NECAB1: variants seen among roughly 807,000 people sequenced by gnomAD.
NECAB1 encodes the protein N-terminal EF-hand calcium-binding protein 1.
A neutral mutation model predicts 57.5 loss-of-function variants in NECAB1; 29 were observed. The observed-to-expected ratio is 0.50, with a 90% CI of 0.38 to 0.69. The LOEUF (loss-of-function observed/expected upper bound fraction) is 0.69, where lower values mean the gene tolerates loss of function less well. Ranked by LOEUF, NECAB1 falls within the 30% of genes least tolerant of loss-of-function variation. NECAB1 has a pLI of 0.00. For missense variants in NECAB1, 372 were observed against 413.8 expected, an observed-to-expected ratio of 0.90 and a Z score of 0.88; for synonymous variants, 142 against 147.7, an observed-to-expected ratio of 0.96 and a Z score of 0.28.
intron 2 of NECAB1, among the ~76,000 whole-genome samples, chr8:90,805,883 A>G (rs1319202326): frequency 6.6e-6 from 1 of 152,228 alleles, no homozygotes; most frequent in African/African-American, 2.4e-5. Context: ...TTAGAGCCCC[A>G]GAACTTGTTC....
At chr8:90,805,722 TTAAA>T (rs1274832993) in intron 2 of NECAB1, among the ~76,000 whole-genome samples, 2 of 151,856 alleles carry the variant, frequency 1.3e-5, no homozygotes, top group African/African-American at 4.8e-5. Context: ...TTTTTTAAAT[TTAAA>T]TATATTTTAT....
At chr8:90,883,207 T>C (rs1227327976) in intron 5 of NECAB1, among the ~76,000 whole-genome samples, 1 of 152,128 alleles carries the variant, frequency 6.6e-6, no homozygotes, top group South Asian at 2.1e-4. Context: ...ATTCATATTA[T>C]ACTGTTTAAC....
At chr8:90,844,652 G>A (rs1812522592) in intron 3 of NECAB1, among the ~76,000 whole-genome samples, 1 of 152,108 alleles carries the variant, frequency 6.6e-6, no homozygotes, top group Non-Finnish European at 1.5e-5. Flanking sequence ...ACCTACAGGG[G>A]AAAACAGCAT....
chr8:90,883,881 G>C (rs1808906497), intron 5 of NECAB1, among the ~76,000 whole-genome samples: 1 of 152,132 alleles, frequency 6.6e-6, no homozygotes, highest in South Asian at 2.1e-4. Flanking sequence ...GAGGTGATAA[G>C]CTAACTTGCA....
chr8:90,894,068 C>T lies in NECAB1; in HGVS notation c.357+12938C>T, dbSNP rs116942739. ...TTTTAGAATTTCTTAGAAACAGAGG[C>T]TGATTTTCATGCTGATAACCTAAAA... On this transcript the variant is annotated intron_variant, in intron 5 of 12. Coordinates refer to ENST00000417640, the MANE Select transcript of NECAB1 (RefSeq NM_022351.5). Among the ~76,000 whole-genome samples, 582 of 152,148 alleles carry T rather than the reference C, an allele frequency of 3.8e-3. 2 individuals carry two copies. Among genetic ancestry groups the T allele is most frequent in the Non-Finnish European group, 3.9e-3 (262 of 68,004 alleles).
rs1471131860 is a variant in NECAB1, at chr8:90,957,430, C to T, written c.*1918C>T. 2 of 151,682 alleles carry T rather than the reference C, an allele frequency of 1.3e-5. No homozygotes were observed. Among genetic ancestry groups the T allele is most frequent in the Non-Finnish European group, 2.9e-5 (2 of 67,820 alleles). 9.4% of individuals were successfully genotyped at this position (151,682 alleles called of 1,614,324 possible). On this transcript the variant is annotated 3_prime_UTR_variant, in exon 13 of 13. Transcript: ENST00000417640. The stretch of plus-strand genomic sequence containing the variant: ...AACAGTACTAAGTGGAAGGGATCTG[C>T]AGATTCCAAACTGGAATAAGCTCTA...
chr8:90,863,403 A>G (rs145063988), intron 3 of NECAB1, among the ~76,000 whole-genome samples: 4 of 152,132 alleles, frequency 2.6e-5, no homozygotes, highest in African/African-American at 9.7e-5. Context: ...CATTTTTCCT[A>G]TTCTCTAAAG....
At position 90,956,943 on chromosome 8, in the gene NECAB1, C is replaced by CGTGTGTGTGTGTGTGT. The variant is rs66645266; in HGVS notation, c.*1458_*1473dup. ...AATTTTGATATATTGTACATACACA[C>CGTGTGTGTGTGTGTGT]GTGTGTGTGTGTGTGTGTGTGTGTG... On this transcript the variant is annotated 3_prime_UTR_variant, in exon 13 of 13. Transcript: ENST00000417640. The CGTGTGTGTGTGTGTGT allele has an allele frequency of 1.4e-5, 2 of 143,452 alleles. No individual in the cohort carries two copies. The highest frequency in any genetic ancestry group is 2.6e-5 in the African/African-American group (1 of 38,916). 8.9% of individuals were successfully genotyped at this position (143,452 alleles called of 1,614,324 possible).
chr8:90,831,853 A>T (rs1049665624), intron 3 of NECAB1, among the ~76,000 whole-genome samples: 4 of 152,162 alleles, frequency 2.6e-5, no homozygotes, highest in African/African-American at 9.7e-5. Flanking sequence ...AAATTCTCAC[A>T]TACTGTGCTA....
chr8:90,852,039 AT>A (rs1208947247), intron 3 of NECAB1, among the ~76,000 whole-genome samples: 1 of 151,992 alleles, frequency 6.6e-6, no homozygotes, highest in Non-Finnish European at 1.5e-5. Flanking sequence ...AATCAATATA[AT>A]TTTGTTGTTG....
chr8:90,914,111 A>C (rs938098313), intron 5 of NECAB1, among the ~76,000 whole-genome samples: 4 of 152,140 alleles, frequency 2.6e-5, no homozygotes, highest in Admixed American at 2.6e-4. Flanking sequence ...ACATTTCTTA[A>C]GCATTTATGG....
At chr8:90,856,182 G>A (rs1812790812) in intron 3 of NECAB1, among the ~76,000 whole-genome samples, 1 of 152,162 alleles carries the variant, frequency 6.6e-6, no homozygotes, top group South Asian at 2.1e-4. Flanking sequence ...CAAGGTAACA[G>A]TTTCAGTCAC....
intron 5 of NECAB1, among the ~76,000 whole-genome samples, chr8:90,893,868 G>C (rs1199698048): frequency 1.3e-5 from 2 of 151,478 alleles, no homozygotes; most frequent in African/African-American, 4.9e-5. Flanking sequence ...TTTAATTATA[G>C]TCAACATCAA....
In NECAB1 at chr8:90,796,808, G is replaced by T. The variant is rs116468793; in HGVS notation, c.99+4823G>T. Among the ~76,000 whole-genome samples, 713 of 152,290 alleles carry T rather than the reference G, an allele frequency of 4.7e-3. 7 individuals are homozygous for T. The highest frequency in any genetic ancestry group is 0.016 in the African/African-American group (677 of 41,542). ...GTCTGTGGGATCAGAGGCAAAATTT[G>T]CAGCAGAGACAGTTCTGTTCATATT... On this transcript the variant is annotated intron_variant, in intron 1 of 12. Transcript: ENST00000417640.
At chr8:90,807,578 C>A (rs1020728409) in intron 2 of NECAB1, among the ~76,000 whole-genome samples, 7 of 152,156 alleles carry the variant, frequency 4.6e-5, no homozygotes, top group African/African-American at 9.7e-5. Flanking sequence ...GCTCTCCAGA[C>A]CCTCTTATCT....
At chr8:90,801,995 C>A (rs933958053) in intron 2 of NECAB1, among the ~76,000 whole-genome samples, 1 of 152,178 alleles carries the variant, frequency 6.6e-6, no homozygotes, top group Non-Finnish European at 1.5e-5. Context: ...AATAATTTTG[C>A]AGCAATAGCA....
intron 2 of NECAB1, among the ~76,000 whole-genome samples, chr8:90,811,885 C>T (rs1285225066): frequency 6.6e-6 from 1 of 152,094 alleles, no homozygotes; most frequent in Non-Finnish European, 1.5e-5. Flanking sequence ...GTCACATGCC[C>T]ATCCTTAAAG....
chr8:90,879,378 G>T (rs1410184520), intron 4 of NECAB1, among the ~76,000 whole-genome samples: 1 of 150,884 alleles, frequency 6.6e-6, no homozygotes, highest in Non-Finnish European at 1.5e-5. Flanking sequence ...CGAATTCCTG[G>T]GCTCAAGTGA....
At chr8:90,795,887 A>G (rs1811652799) in intron 1 of NECAB1, among the ~76,000 whole-genome samples, 1 of 152,184 alleles carries the variant, frequency 6.6e-6, no homozygotes, top group Non-Finnish European at 1.5e-5. Context: ...TGCTGGGCTT[A>G]ATACCTAGGT....
Sources: allele counts gnomAD v4.1 joint callset (sites outside exome capture counted in the v4.1 genomes callset), GRCh38; gene constraint gnomAD v4.1.1; transcripts MANE v1.5; gene names NCBI Gene and HGNC (gene_info 2026-07-23, HGNC 2026-07-21).